Variants in PRC1 observed in about 807,000 individuals in gnomAD.
PRC1 encodes the protein anaphase spindle elongation 1 homolog.
In PRC1, 54 loss-of-function variants were observed where a neutral mutation model predicts 91.2. The observed-to-expected ratio is 0.59, with a 90% CI of 0.48 to 0.74. PRC1 has a LOEUF of 0.74. Ranked by LOEUF, PRC1 falls within the 30% of genes least tolerant of loss-of-function variation. The pLI is 0.00. For missense variants in PRC1, 727 were observed against 746.2 expected (o/e 0.97, Z 0.30); for synonymous variants, 275 against 263.6 (o/e 1.04, Z -0.42).
chr15:90,984,459 C>T lies in PRC1; in HGVS notation c.144+234G>A, dbSNP rs1174515154. On this transcript the variant is annotated intron_variant, in intron 2 of 14. Coordinates refer to ENST00000394249, the MANE Select transcript of PRC1 (RefSeq NM_003981.4). The surrounding 1 kb of genome is among the most constrained non-coding windows in gnomAD (Gnocchi z 5.1). The stretch of plus-strand genomic sequence containing the variant: ...GATCAGGCTGGTCTTGAACTCCTGA[C>T]CTCAAGCAATCCATGCGCCTCGGCC... Among the ~76,000 whole-genome samples, 1 of 152,142 alleles carries T rather than the reference C, an allele frequency of 6.6e-6. No individual in the cohort carries two copies. The highest frequency in any genetic ancestry group is 1.5e-5 in the Non-Finnish European group (1 of 68,016).
rs1461793390 is a variant in PRC1, at chr15:90,967,070, C to A, written c.*61G>T. 24 of 1,456,262 alleles carry A rather than the reference C, an allele frequency of 1.6e-5. No individual in the cohort carries two copies. The highest frequency in any genetic ancestry group is 2.1e-5 in the Non-Finnish European group (22 of 1,039,652). 90.2% of individuals were successfully genotyped at this position (1,456,262 alleles called of 1,614,324 possible). A position where few individuals can be genotyped will look rare whatever the true frequency, so the allele number is the denominator to read the frequency against. ...AGCTGAAGAAAAACTAAAGTCACCC[C>A]CATATAATTAGGTCCAGTCTAGGCA... On this transcript the variant is annotated 3_prime_UTR_variant, in exon 15 of 15. Transcript: ENST00000394249.
chr15:90,969,728 G>A, intron 12 of PRC1, 105 bp from the exon 13 acceptor site: 1 of 747,884 alleles, frequency 1.3e-6, no homozygotes, highest in East Asian at 2.7e-5. Flanking sequence ...TTATATTCAT[G>A]TCTATAATCC....
chr15:90,975,972 GC>G (rs1245593350), intron 9 of PRC1, among the ~76,000 whole-genome samples: 1 of 152,166 alleles, frequency 6.6e-6, no homozygotes, highest in Non-Finnish European at 1.5e-5. Context: ...AAGGAGAAAG[GC>G]CTCAGAAGAA....
At position 90,981,496 on chromosome 15, in the gene PRC1, T is replaced by A; in HGVS notation, c.672+3A>T. On this transcript the variant is annotated splice_donor_region_variant and intron_variant, in intron 5 of 14. Transcript: ENST00000394249. ...CCTAGGGCATAATTTGAGAAGACAGTACCTGCCGTAGCAACTTTTGTAGTG... is the reference window on the plus strand; with the variant it reads ...CCTAGGGCATAATTTGAGAAGACAGAACCTGCCGTAGCAACTTTTGTAGTG... 6.2e-7 allele frequency: 1 copy of A among 1,613,732 alleles called. No homozygotes were observed. The highest frequency in any genetic ancestry group is 8.5e-7 in the Non-Finnish European group (1 of 1,180,022).
intron 5 of PRC1, 140 bp from the exon 6 acceptor site, chr15:90,981,173 T>G: frequency 1.8e-6 from 2 of 1,132,870 alleles, no homozygotes; most frequent in South Asian, 3.1e-5. Flanking sequence ...TCATGCCTCC[T>G]AAACACGAGC....
rs2038086686 is a variant in PRC1 at position 90,971,132 on chromosome 15, G to A, written c.1462-618C>T. On this transcript the variant is annotated intron_variant, in intron 11 of 14. Coordinates refer to ENST00000394249, the MANE Select transcript of PRC1 (RefSeq NM_003981.4). ...TAAATCCCTACTCGCCACAGCTAGA[G>A]GCTGGGGGCAAACTAGGAGCCAGGG... Among the ~76,000 whole-genome samples the A allele has an allele frequency of 2.0e-5, 3 of 152,334 alleles. No individual in the cohort carries two copies. The East Asian group carries it at 5.8e-4, about 29-fold the overall frequency.
At position 90,968,396 on chromosome 15, in the gene PRC1, G is replaced by A. The variant is rs2037729021; in HGVS notation, c.1791+683C>T. 4.1e-6 allele frequency: 4 copies of A among 985,596 alleles called. No homozygotes were observed. The South Asian group carries it at 1.4e-4, about 35-fold the overall frequency. The allele number at this position is 985,596 out of a possible 1,614,324, so 61.1% of individuals were successfully genotyped here. A position where few individuals can be genotyped will look rare whatever the true frequency, so the allele number is the denominator to read the frequency against. Reference sequence around the variant, plus strand: ...AGCAATTAAGAGGGGAGGCAGGCTAGGGGTTTAACTCAATATCCCCTCAAG... The same window carrying A: ...AGCAATTAAGAGGGGAGGCAGGCTAAGGGTTTAACTCAATATCCCCTCAAG... On this transcript the variant is annotated intron_variant, in intron 14 of 14. Transcript: ENST00000394249.
In PRC1 at chr15:90,968,223, A is replaced by G. The variant is rs183197550; in HGVS notation, c.1791+856T>C. The G allele has an allele frequency of 1.6e-5, 16 of 985,476 alleles. No homozygotes were observed. In the East Asian group the frequency reaches 1.8e-3, roughly 112 times the overall value. The allele number at this position is 985,476 out of a possible 1,614,324, so 61.0% of individuals were successfully genotyped here. Reference sequence around the variant, plus strand: ...AAAAGAGAAAGCTGGACCTCTGTCCAGCAATCAGCCAGAGTGACACACACC... The same window carrying G: ...AAAAGAGAAAGCTGGACCTCTGTCCGGCAATCAGCCAGAGTGACACACACC... On this transcript the variant is annotated intron_variant, in intron 14 of 14. Transcript: ENST00000394249.
Position 90,974,643 on chromosome 15 carries a change from T to TA in PRC1, c.1291dup (p.Tyr431LeufsTer42). ...ATGCATCTCCCATTGTTCTGCCACA[T>TA]ACTCCATGAATTTCTGCCCATTCAC... On this transcript the variant is annotated frameshift_variant, in exon 10 of 15. Transcript: ENST00000394249. LOFTEE classifies it high-confidence loss of function. This position sits in a 1 kb window ranked among gnomAD's most constrained non-coding sequence, Gnocchi z 4.6. 1 of 1,614,236 alleles carries TA rather than the reference T, an allele frequency of 6.2e-7. No individual in the cohort carries two copies.
rs1277892657 is a variant in PRC1, at chr15:90,966,589, G to C, written c.*542C>G. ...CTCCCAGCCTTCCTGTCACCTCTTTGGCAGTAGGGCAGGCCATCTCAACTT... is the reference window on the plus strand; with the variant it reads ...CTCCCAGCCTTCCTGTCACCTCTTTCGCAGTAGGGCAGGCCATCTCAACTT... On this transcript the variant is annotated 3_prime_UTR_variant, in exon 15 of 15. Coordinates refer to ENST00000394249, the MANE Select transcript of PRC1 (RefSeq NM_003981.4). The C allele has an allele frequency of 2.2e-6, 1 of 456,100 alleles. No homozygotes were observed. The highest frequency in any genetic ancestry group is 2.3e-5 in the Admixed American group (1 of 42,566). 28.3% of individuals were successfully genotyped at this position (456,100 alleles called of 1,614,324 possible).
chr15:90,981,911 T>C lies in PRC1; in HGVS notation c.338A>G (p.Gln113Arg). 6.2e-7 allele frequency: 1 copy of C among 1,614,244 alleles called. No homozygotes were observed. Among genetic ancestry groups the C allele is most frequent in the South Asian group, 1.1e-5 (1 of 91,084 alleles). The stretch of plus-strand genomic sequence containing the variant: ...CAGTTCCTGTTTTCTCTCCTTTTTC[T>C]GTTTTCGCATCAATTCCACTTGGGT... ...LRTQVELMRK[Q>R]KKERKQELKL... is the part of the protein sequence containing the mutation. The change falls in exon 4 of 15, where the codon CAG becomes CGG. Residue 113 changes from glutamine (Q) to arginine (R), a missense_variant. Transcript: ENST00000394249.
Position 90,981,915 on chromosome 15 carries a change from T to G in PRC1, c.334A>C (p.Lys112Gln). 1.2e-6 allele frequency: 2 copies of G among 1,614,236 alleles called. No homozygotes were observed. Among genetic ancestry groups the G allele is most frequent in the East Asian group, 2.2e-5 (1 of 44,884 alleles). ...TCCTGTTTTCTCTCCTTTTTCTGTT[T>G]TCGCATCAATTCCACTTGGGTGCGC... is the stretch of plus-strand genomic sequence containing the variant. ...DLRTQVELMRKQKKERKQELK... is the reference protein window; with the variant it reads ...DLRTQVELMRQQKKERKQELK... The change falls in exon 4 of 15, where the codon AAA becomes CAA. Residue 112 changes from lysine to glutamine, a missense_variant. Transcript: ENST00000394249.
At chr15:90,971,084 C>T (rs779438031) in intron 11 of PRC1, among the ~76,000 whole-genome samples, 1 of 152,124 alleles carries the variant, frequency 6.6e-6, no homozygotes, top group Non-Finnish European at 1.5e-5. Context: ...AAAATGAAAA[C>T]TAATCTATAG....
rs750508118 is a variant in PRC1, at chr15:90,981,485, T to G, written c.672+14A>C. 30 of 1,613,384 alleles carry G rather than the reference T, an allele frequency of 1.9e-5. No homozygotes were observed. The highest frequency in any genetic ancestry group is 2.3e-5 in the Non-Finnish European group (27 of 1,179,980). On this transcript the variant is annotated intron_variant, in intron 5 of 14. Transcript: ENST00000394249. Reference sequence around the variant, plus strand: ...ACTACGGAGATCCTAGGGCATAATTTGAGAAGACAGTACCTGCCGTAGCAA... The same window carrying G: ...ACTACGGAGATCCTAGGGCATAATTGGAGAAGACAGTACCTGCCGTAGCAA...
chr15:90,990,891 G>A (rs1438429284), intron 1 of PRC1, among the ~76,000 whole-genome samples: 1 of 151,518 alleles, frequency 6.6e-6, no homozygotes, highest in African/African-American at 2.4e-5. Context: ...CGATTCTCCT[G>A]CCTCAGCCTC....
chr15:90,967,613 T>A (rs2037629376), intron 14 of PRC1: 1 of 167,840 alleles, frequency 6.0e-6, no homozygotes, highest in Non-Finnish European at 1.3e-5. Flanking sequence ...TACAATTGCC[T>A]ACAGTATCCC....
At chr15:90,973,723 G>C (rs1006945050) in intron 11 of PRC1, among the ~76,000 whole-genome samples, 2 of 152,104 alleles carry the variant, frequency 1.3e-5, no homozygotes, top group African/African-American at 4.8e-5. Flanking sequence ...TGAGATGTTT[G>C]GGTGGGGAGA....
intron 11 of PRC1, among the ~76,000 whole-genome samples, chr15:90,971,268 T>A (rs1048180194): frequency 3.3e-5 from 5 of 152,144 alleles, no homozygotes; most frequent in African/African-American, 9.7e-5. Flanking sequence ...TGTCAAAACT[T>A]ATTATATGCT....
Position 90,974,579 on chromosome 15 carries a change from A to G in PRC1, c.1350+6T>C, listed in dbSNP as rs760224027. The G allele has an allele frequency of 9.9e-6, 16 of 1,613,864 alleles. No individual in the cohort carries two copies. In the Middle Eastern group the frequency reaches 2.0e-3, roughly 199 times the overall value. On this transcript the variant is annotated splice_donor_region_variant and intron_variant, in intron 10 of 14. Coordinates refer to ENST00000394249, the MANE Select transcript of PRC1 (RefSeq NM_003981.4). This position sits in a 1 kb window ranked among gnomAD's most constrained non-coding sequence, Gnocchi z 4.6. ...TTTCCCAATTTGCGTTCACGTTCAC[A>G]CTTACTCTTTCCTGCTTGGCTCTCT...
Sources: allele counts gnomAD v4.1 joint callset (sites outside exome capture counted in the v4.1 genomes callset), GRCh38; gene constraint gnomAD v4.1.1; non-coding constraint Gnocchi (gnomAD v3.1); transcripts MANE v1.5; gene names NCBI Gene and HGNC (gene_info 2026-07-23, HGNC 2026-07-21).